LRRIQ3: variants seen among roughly 807,000 people sequenced by gnomAD.
LRRIQ3 encodes the protein leucine-rich repeat and IQ domain-containing protein 3.
LRRIQ3 carries 75 observed loss-of-function variants against 59.3 expected under a neutral mutation model. The observed-to-expected ratio is 1.26, with a 90% CI of 1.05 to 1.53. The LOEUF is 1.53. LRRIQ3 is among the 40% of genes most tolerant of loss of function. LRRIQ3 has a pLI of 0.00. For missense variants in LRRIQ3, 831 were observed against 710.0 expected (o/e 1.17, Z -1.94); for synonymous variants, 250 against 231.3 (o/e 1.08, Z -0.73).
rs35847888 is a variant in LRRIQ3, at chr1:74,120,283, C to T, written c.708-10730G>A. 4.2e-3 allele frequency among the ~76,000 whole-genome samples: 639 copies of T among 151,574 alleles called. 1 individual carries two copies. The highest frequency in any genetic ancestry group is 7.2e-3 in the Non-Finnish European group (487 of 67,832). On this transcript the variant is annotated intron_variant, in intron 4 of 7. Coordinates refer to ENST00000354431, the MANE Select transcript of LRRIQ3 (RefSeq NM_001105659.2). ...CAGGTGCATGCAACCATGCCTAGCT[C>T]GTTTTTGTATTTTTAGTAGAGACAG... is the stretch of plus-strand genomic sequence containing the variant.
chr1:74,143,449 C>T (rs981627883), intron 4 of LRRIQ3, among the ~76,000 whole-genome samples: 2 of 151,872 alleles, frequency 1.3e-5, no homozygotes, highest in African/African-American at 2.4e-5. Flanking sequence ...GGTCAACAAT[C>T]CCTACCATAT....
At chr1:74,151,939 G>C (rs968272344) in intron 4 of LRRIQ3, among the ~76,000 whole-genome samples, 2 of 152,016 alleles carry the variant, frequency 1.3e-5, no homozygotes, top group Non-Finnish European at 2.9e-5. Flanking sequence ...TTAAAGTTCA[G>C]AAAAACTAAT....
intron 4 of LRRIQ3, among the ~76,000 whole-genome samples, chr1:74,133,910 T>C (rs766120753): frequency 6.6e-6 from 1 of 151,932 alleles, no homozygotes; most frequent in Non-Finnish European, 1.5e-5. Flanking sequence ...ATCTCTACAC[T>C]TCCTTATAAG....
At chr1:74,177,322 G>A (rs1268837009) in intron 3 of LRRIQ3, among the ~76,000 whole-genome samples, 1 of 152,082 alleles carries the variant, frequency 6.6e-6, no homozygotes, top group Non-Finnish European at 1.5e-5. Context: ...TGGACTCCAA[G>A]TTCTTCAGTT....
At chr1:74,138,462 C>T in intron 4 of LRRIQ3, 1 of 983,946 alleles carries the variant, frequency 1.0e-6, no homozygotes, top group Non-Finnish European at 1.2e-6. Flanking sequence ...GTCCCATGGG[C>T]AGGGTCTGAC....
intron 3 of LRRIQ3, among the ~76,000 whole-genome samples, chr1:74,178,212 T>C (rs961633299): frequency 6.6e-6 from 1 of 151,968 alleles, no homozygotes; most frequent in East Asian, 1.9e-4. Flanking sequence ...TAAACAACTT[T>C]ATTTCAGTTT....
chr1:74,171,305 T>C (rs765375819), intron 3 of LRRIQ3, among the ~76,000 whole-genome samples: 5 of 152,182 alleles, frequency 3.3e-5, no homozygotes, highest in Non-Finnish European at 5.9e-5. Context: ...TTATATTGCA[T>C]TGAGGGAAAC....
Position 74,182,797 on chromosome 1 carries a change from T to C in LRRIQ3, c.314A>G (p.His105Arg), listed in dbSNP as rs1162167938. 4 of 1,609,136 alleles carry C rather than the reference T, an allele frequency of 2.5e-6. No homozygotes were observed. In the African/African-American group the frequency reaches 5.3e-5, roughly 22 times the overall value. Residue 105 changes from histidine (H) to arginine (R), a missense_variant, in exon 3 of 8, where the codon CAT becomes CGT. His to Arg is a conservative substitution (Grantham distance 29, BLOSUM62 0). Coordinates refer to ENST00000354431, the MANE Select transcript of LRRIQ3 (RefSeq NM_001105659.2). ...GLKNLKLLYLHDNGFAKLKNI... is the reference protein window; with the variant it reads ...GLKNLKLLYLRDNGFAKLKNI... The stretch of plus-strand genomic sequence containing the variant: ...CTTTAACTTTGCAAACCCATTGTCA[T>C]GAAGATAGAGTAGTTTTAGGTTCTT...
At chr1:74,050,058 G>A (rs1045548664) in intron 6 of LRRIQ3, among the ~76,000 whole-genome samples, 1 of 151,482 alleles carries the variant, frequency 6.6e-6, no homozygotes, top group Non-Finnish European at 1.5e-5. Flanking sequence ...TGAGTAGCTG[G>A]GATTACAGGC....
At chr1:74,075,298 G>T (rs1390820396) in intron 5 of LRRIQ3, among the ~76,000 whole-genome samples, 1 of 152,120 alleles carries the variant, frequency 6.6e-6, no homozygotes, top group Non-Finnish European at 1.5e-5. Flanking sequence ...CAGGCACAGG[G>T]GCTCACACCT....
chr1:74,123,004 G>A (rs1315305626), intron 4 of LRRIQ3, among the ~76,000 whole-genome samples: 1 of 151,862 alleles, frequency 6.6e-6, no homozygotes, highest in Non-Finnish European at 1.5e-5. Context: ...TTCTGGCCTG[G>A]GCCTATTTCA....
intron 5 of LRRIQ3, among the ~76,000 whole-genome samples, chr1:74,090,310 A>C (rs1475749232): frequency 8.8e-6 from 1 of 113,602 alleles, no homozygotes; most frequent in African/African-American, 2.8e-5. Context: ...GAATGGAATA[A>C]AAAATCTACA....
At chr1:74,194,045 T>C (rs1266068886) in intron 1 of LRRIQ3, among the ~76,000 whole-genome samples, 1 of 152,104 alleles carries the variant, frequency 6.6e-6, no homozygotes, top group African/African-American at 2.4e-5. Context: ...GGATAACAGA[T>C]TTGTTAAGTA....
chr1:74,055,390 C>T (rs1654502686), intron 6 of LRRIQ3, among the ~76,000 whole-genome samples: 1 of 151,892 alleles, frequency 6.6e-6, no homozygotes, highest in Non-Finnish European at 1.5e-5. Flanking sequence ...AACTACAAAC[C>T]TATTTTATAT....
intron 5 of LRRIQ3, among the ~76,000 whole-genome samples, chr1:74,081,402 T>G (rs906621456): frequency 2.6e-5 from 4 of 151,656 alleles, no homozygotes; most frequent in African/African-American, 9.7e-5. Context: ...TTACTAAGAT[T>G]GGAGGCACCA....
intron 5 of LRRIQ3, chr1:74,078,718 C>T (rs1646237197): frequency 6.6e-6 from 1 of 151,538 alleles, no homozygotes; most frequent in South Asian, 2.1e-4. Flanking sequence ...TTTTGGATAA[C>T]CTGGAACATG....
intron 5 of LRRIQ3, among the ~76,000 whole-genome samples, chr1:74,086,370 T>C (rs546025294): frequency 6.6e-6 from 1 of 152,246 alleles, no homozygotes; most frequent in Admixed American, 6.6e-5. Flanking sequence ...AATCTTAACC[T>C]GGTCCAATTT....
At chr1:74,057,969 A>T (rs1462050114) in intron 6 of LRRIQ3, among the ~76,000 whole-genome samples, 1 of 152,130 alleles carries the variant, frequency 6.6e-6, no homozygotes, top group African/African-American at 2.4e-5. Flanking sequence ...TATATGACAA[A>T]ATGCTTAATA....
intron 1 of LRRIQ3, among the ~76,000 whole-genome samples, chr1:74,193,092 C>T (rs1239953917): frequency 6.6e-6 from 1 of 151,994 alleles, no homozygotes; most frequent in Non-Finnish European, 1.5e-5. Context: ...AGTTGGAAGC[C>T]CTTTACCACT....
Sources: allele counts gnomAD v4.1 joint callset (sites outside exome capture counted in the v4.1 genomes callset), GRCh38; gene constraint gnomAD v4.1.1; transcripts MANE v1.5; gene names NCBI Gene and HGNC (gene_info 2026-07-23, HGNC 2026-07-21).